Variants in ADGRG6 observed in about 807,000 individuals in gnomAD.
The protein encoded by ADGRG6 is G-protein coupled receptor 126.
A neutral mutation model predicts 142.4 loss-of-function variants in ADGRG6; 84 were observed. The ratio of observed to expected loss-of-function variants is 0.59; its 90% CI spans 0.49 to 0.71. The LOEUF (loss-of-function observed/expected upper bound fraction) is 0.71, where lower values mean the gene tolerates loss of function less well. Among genes scored for constraint, ADGRG6 ranks in the 30% least tolerant of loss-of-function variants. The pLI is 0.00. For synonymous variants in ADGRG6, 521 were observed against 520.5 expected, an observed-to-expected ratio of 1.00 and a Z score of -0.01; for missense variants, 1,367 against 1,466.6, an observed-to-expected ratio of 0.93 and a Z score of 1.11.
chr6:142,337,988 A>G (rs560820901), intron 2 of ADGRG6, among the ~76,000 whole-genome samples: 11 of 139,310 alleles, frequency 7.9e-5, no homozygotes, highest in Non-Finnish European at 1.4e-4. Context: ...ATGTTCTGAC[A>G]CTAAATCCTT....
chr6:142,312,583 C>T lies in ADGRG6; in HGVS notation c.103+2939C>T, dbSNP rs938599989. Among the ~76,000 whole-genome samples the T allele has an allele frequency of 2.0e-5, 3 of 152,112 alleles. No homozygotes were observed. In the East Asian group the frequency reaches 5.8e-4, roughly 29 times the overall value. On this transcript the variant is annotated intron_variant, in intron 2 of 24. Transcript: ENST00000367609. ...TTAGAAAAGTTGACAACATCCAATA[C>T]AATCAAAATTGTTAGGAAAAGAGTG...
At chr6:142,404,038 C>A in intron 14 of ADGRG6, 65 bp downstream of exon 14, 1 of 1,212,606 alleles carries the variant, frequency 8.2e-7, no homozygotes, top group Non-Finnish European at 1.2e-6. Context: ...TTGCTGATCA[C>A]TTAGCAGTTG....
rs867309449 is a variant in ADGRG6, at chr6:142,416,274, G to A, written c.2938+210G>A. 1.4e-4 allele frequency among the ~76,000 whole-genome samples: 22 copies of A among 152,126 alleles called. No homozygotes were observed. In the Middle Eastern group the frequency reaches 0.01, roughly 71 times the overall value. ...CATCAACAGCACTCACTATATACACGAGTAAAGGAAAAGCCCTCACTCCCT... is the reference window on the plus strand; with the variant it reads ...CATCAACAGCACTCACTATATACACAAGTAAAGGAAAAGCCCTCACTCCCT... On this transcript the variant is annotated intron_variant, in intron 20 of 24. Transcript: ENST00000367609.
At chr6:142,382,157 ATG>A (rs1253121734) in intron 5 of ADGRG6, 138 bp downstream of exon 5, 2 of 625,116 alleles carry the variant, frequency 3.2e-6, no homozygotes, top group African/African-American at 3.7e-5. Flanking sequence ...GAATTTCTGC[ATG>A]TGTTTTAGTT....
At position 142,417,401 on chromosome 6, in the gene ADGRG6, A is replaced by C. The variant is rs200317677; in HGVS notation, c.3035+32A>C. On this transcript the variant is annotated intron_variant, in intron 21 of 24. Coordinates refer to ENST00000367609, the MANE Select transcript of ADGRG6 (RefSeq NM_198569.3). Reference sequence around the variant, plus strand: ...AATAAAAACTTTTTGTGATGAGTAGATATCCTTTGTTTCCTGAAGTTTAGC... The same window carrying C: ...AATAAAAACTTTTTGTGATGAGTAGCTATCCTTTGTTTCCTGAAGTTTAGC... The C allele has an allele frequency of 8.7e-5, 79 of 909,790 alleles. 1 individual carries two copies. In the East Asian group the frequency reaches 2.0e-3, roughly 23 times the overall value. The allele number at this position is 909,790 out of a possible 1,614,324, so 56.4% of individuals were successfully genotyped here.
rs541860031 is a variant in ADGRG6 at position 142,366,450 on chromosome 6, A to C, written c.104-1119A>C. 2.6e-5 allele frequency among the ~76,000 whole-genome samples: 4 copies of C among 152,226 alleles called. No homozygotes were observed. In the South Asian group the frequency reaches 6.2e-4, roughly 24 times the overall value. ...ATGCTCCTTCACATCATTCAGTTGG[A>C]TCTCTCCTCAAATGTCACCTCTTTG... On this transcript the variant is annotated intron_variant, in intron 2 of 24. Coordinates refer to ENST00000367609, the MANE Select transcript of ADGRG6 (RefSeq NM_198569.3).
intron 2 of ADGRG6, among the ~76,000 whole-genome samples, chr6:142,339,024 A>G (rs1363369581): frequency 1.3e-5 from 2 of 152,212 alleles, no homozygotes; most frequent in East Asian, 1.9e-4. Flanking sequence ...GAATTCTTCA[A>G]TCTTTATACT....
chr6:142,359,057 A>C (rs115582093), intron 2 of ADGRG6, among the ~76,000 whole-genome samples: 2 of 151,224 alleles, frequency 1.3e-5, no homozygotes, highest in African/African-American at 4.9e-5. Context: ...AAAAAAAAAA[A>C]ATATCTGGGC....
chr6:142,408,044 A>C (rs947308176), intron 15 of ADGRG6, 106 bp from the exon 16 acceptor site: 1 of 712,378 alleles, frequency 1.4e-6, no homozygotes, highest in African/African-American at 1.8e-5. Flanking sequence ...TCTAGAACTG[A>C]AGATCTTAAG....
At position 142,370,782 on chromosome 6, in the gene ADGRG6, A is replaced by G. The variant is rs1359879866; in HGVS notation, c.1058A>G (p.Asn353Ser). 1 of 1,613,200 alleles carries G rather than the reference A, an allele frequency of 6.2e-7. No homozygotes were observed. The highest frequency in any genetic ancestry group is 1.7e-5 in the Admixed American group (1 of 59,952). Residue 353 changes from asparagine to serine, a missense_variant, in exon 4 of 25, where the codon AAC (asparagine) becomes AGC (serine). Around this residue, in one of 3 missense-constraint regions of ADGRG6, gnomAD observed 737 missense variants for 746.5 expected, o/e 0.99. Transcript: ENST00000367609. Reference protein sequence around the residue: ...IPNLALKAESNLSCGSYLIPL... With the variant: ...IPNLALKAESSLSCGSYLIPL... ...AACCTAGCTCTGAAAGCTGAAAGCAACCTAAGCTGTGGTGAGTTTGTAGCG... is the reference window on the plus strand; with the variant it reads ...AACCTAGCTCTGAAAGCTGAAAGCAGCCTAAGCTGTGGTGAGTTTGTAGCG...
chr6:142,313,776 AATT>A (rs555553686), intron 2 of ADGRG6, among the ~76,000 whole-genome samples: 49 of 152,272 alleles, frequency 3.2e-4, no homozygotes, highest in South Asian at 1.5e-3. Context: ...TAACATCAAC[AATT>A]ATTATTTAGT....
intron 20 of ADGRG6, among the ~76,000 whole-genome samples, chr6:142,416,837 G>A (rs964882225): frequency 6.6e-6 from 1 of 152,076 alleles, no homozygotes; most frequent in Non-Finnish European, 1.5e-5. Flanking sequence ...TAGCCCCCTT[G>A]CTTTTCCTCC....
At chr6:142,339,422 C>A (rs1562322367) in intron 2 of ADGRG6, among the ~76,000 whole-genome samples, 1 of 152,192 alleles carries the variant, frequency 6.6e-6, no homozygotes, top group Non-Finnish European at 1.5e-5. Context: ...GGGCTAATAT[C>A]AGAGCTTTCT....
At chr6:142,340,829 C>T (rs181201557) in intron 2 of ADGRG6, among the ~76,000 whole-genome samples, 8 of 152,126 alleles carry the variant, frequency 5.3e-5, no homozygotes, top group Middle Eastern at 3.4e-3. Flanking sequence ...ATGTTTCTGA[C>T]GTTAAGGTGT....
intron 2 of ADGRG6, among the ~76,000 whole-genome samples, chr6:142,328,278 C>T (rs1461032348): frequency 6.6e-6 from 1 of 152,184 alleles, no homozygotes; most frequent in Admixed American, 6.5e-5. Flanking sequence ...TTTCAGCTCA[C>T]TGCAACCTCT....
chr6:142,368,554 T>C (rs994177837), intron 3 of ADGRG6, among the ~76,000 whole-genome samples: 3 of 152,114 alleles, frequency 2.0e-5, no homozygotes, highest in African/African-American at 4.8e-5. Context: ...GTTTTTTTTT[T>C]CTTCTGTGCC....
chr6:142,305,429 T>TACACACAC (rs5880531), intron 1 of ADGRG6, among the ~76,000 whole-genome samples: 3,304 of 120,702 alleles, frequency 0.027, 182 homozygotes, highest in African/African-American at 0.097. Flanking sequence ...GCCCCTCCTG[T>TACACACAC]ACACACACAC....
chr6:142,322,830 A>G (rs1778583021), intron 2 of ADGRG6, among the ~76,000 whole-genome samples: 1 of 152,136 alleles, frequency 6.6e-6, no homozygotes, highest in Admixed American at 6.6e-5. Context: ...ATTTGTCCTC[A>G]TTTCACAAAT....
chr6:142,419,980 GA>G lies in ADGRG6; in HGVS notation c.3197del (p.Asn1066ThrfsTer8). The G allele has an allele frequency of 6.2e-7, 1 of 1,613,600 alleles. No individual in the cohort carries two copies. The highest frequency in any genetic ancestry group is 2.2e-5 in the East Asian group (1 of 44,872). ...NRTLREEVLR[N>X]LRSVVSLTFL... is the part of the protein sequence containing the mutation. Reference sequence around the variant, plus strand: ...GGACCCTGAGAGAAGAAGTGTTAAGGAACCTGCGCAGTGTGGTTAGCTTGAC... The same window carrying G: ...GGACCCTGAGAGAAGAAGTGTTAAGGACCTGCGCAGTGTGGTTAGCTTGAC... On this transcript the variant is annotated frameshift_variant, in exon 22 of 25. Coordinates refer to ENST00000367609, the MANE Select transcript of ADGRG6 (RefSeq NM_198569.3). LOFTEE classifies it high-confidence loss of function.
Sources: allele counts gnomAD v4.1 joint callset (sites outside exome capture counted in the v4.1 genomes callset), GRCh38; gene constraint gnomAD v4.1.1; regional missense constraint gnomAD v4.1.1; transcripts MANE v1.5; gene names NCBI Gene and HGNC (gene_info 2026-07-23, HGNC 2026-07-21).